Variants in RGS6 observed in about 807,000 individuals in gnomAD.
The protein encoded by RGS6 is regulator of G protein signaling 6.
In RGS6, 30 loss-of-function variants were observed where a neutral mutation model predicts 78.5. The observed-to-expected ratio is 0.38, with a 90% CI of 0.29 to 0.52. The LOEUF (loss-of-function observed/expected upper bound fraction) is 0.52, where lower values mean the gene tolerates loss of function less well. RGS6 is among the 20% of genes least tolerant of loss of function. The pLI is 0.85. For synonymous variants in RGS6, 206 were observed against 206.0 expected (o/e 1.00, Z 0.00); for missense variants, 495 against 609.7 (o/e 0.81, Z 1.98).
At chr14:72,306,234 T>G (rs59335636) in intron 2 of RGS6, among the ~76,000 whole-genome samples, 2,073 of 152,276 alleles carry the variant, frequency 0.014, 35 homozygotes, top group African/African-American at 0.047. Context: ...GACCTACTGC[T>G]CAAAAACAAA....
rs959580060 is a variant in RGS6 at position 72,477,034 on chromosome 14, C to G, written c.792+194C>G. ...AAGCTTGAGAGAAAGAATTCTCTAC[C>G]CAGTTCCTCCAGCAGTTACTAGAAA... is the stretch of plus-strand genomic sequence containing the variant. On this transcript the variant is annotated intron_variant, in intron 11 of 17. Transcript: ENST00000553525. The G allele has an allele frequency of 8.8e-6, 5 of 566,152 alleles. No homozygotes were observed. The Admixed American group carries it at 1.3e-4, about 14-fold the overall frequency. The allele number at this position is 566,152 out of a possible 1,614,324, so 35.1% of individuals were successfully genotyped here.
At chr14:72,115,623 G>A (rs1390645920) in intron 2 of RGS6, among the ~76,000 whole-genome samples, 1 of 152,160 alleles carries the variant, frequency 6.6e-6, no homozygotes, top group African/African-American at 2.4e-5. Context: ...TGAGCCAGCA[G>A]ATAACCCACA....
intron 2 of RGS6, among the ~76,000 whole-genome samples, chr14:71,978,875 T>C (rs1260131717): frequency 1.4e-5 from 2 of 147,112 alleles, no homozygotes; most frequent in South Asian, 4.6e-4. Flanking sequence ...AGAATTCCGC[T>C]GTGAATCCAT....
intron 2 of RGS6, among the ~76,000 whole-genome samples, chr14:72,185,795 G>A (rs957402145): frequency 3.3e-5 from 5 of 152,154 alleles, no homozygotes; most frequent in Non-Finnish European, 7.3e-5. Flanking sequence ...AATGTAAAAA[G>A]CCAGGTGTGG....
chr14:72,251,031 G>T (rs1298366333), intron 2 of RGS6, among the ~76,000 whole-genome samples: 1 of 152,210 alleles, frequency 6.6e-6, no homozygotes, highest in Non-Finnish European at 1.5e-5. Context: ...CACTCTCTTT[G>T]TAGAGGAGCC....
At chr14:72,352,056 T>C (rs1448274953) in intron 2 of RGS6, 39 bp from the exon 3 acceptor site, 1 of 1,457,972 alleles carries the variant, frequency 6.9e-7, no homozygotes. Flanking sequence ...AATTACATTA[T>C]GGGAGAAAAT....
intron 2 of RGS6, among the ~76,000 whole-genome samples, chr14:72,329,616 A>C (rs879136085): frequency 5.3e-5 from 8 of 152,272 alleles, no homozygotes; most frequent in African/African-American, 1.9e-4. Context: ...CATTTTAGGA[A>C]AAGAGAAGAA....
intron 6 of RGS6, chr14:72,464,670 T>G (rs985417615): frequency 6.6e-6 from 1 of 152,210 alleles, no homozygotes; most frequent in Non-Finnish European, 1.5e-5. Flanking sequence ...TTTCCCTGGA[T>G]TGTTCCACTT....
intron 2 of RGS6, among the ~76,000 whole-genome samples, chr14:72,040,027 T>C (rs910728970): frequency 2.6e-5 from 4 of 152,126 alleles, no homozygotes; most frequent in African/African-American, 9.7e-5. Flanking sequence ...TTTCAAATTA[T>C]ACCTTTTTAT....
rs748964422 is a variant in RGS6, at chr14:72,540,060, G to A, written c.1388G>A (p.Arg463His). 1.2e-5 allele frequency: 19 copies of A among 1,583,952 alleles called. No individual in the cohort carries two copies. The highest frequency in any genetic ancestry group is 1.7e-4 in the Middle Eastern group (1 of 6,028). Reference protein sequence around the residue: ...AKKKPESEQGRRTSLEKFTRS... With the variant: ...AKKKPESEQGHRTSLEKFTRS... ...CTAAAGCCAGAAAGTGAGCAAGGTC[G>A]TAGAACTTCCCTAGAAAAGTTCACT... The change falls in exon 17 of 18, where the codon CGT (arginine) becomes CAT (histidine). Residue 463 changes from arginine to histidine, a missense_variant. Physicochemically the swap from Arg to His is conservative, Grantham distance 29. Coordinates refer to ENST00000553525, the MANE Select transcript of RGS6 (RefSeq NM_001204424.2).
At chr14:72,389,467 T>C (rs1205125712) in intron 3 of RGS6, among the ~76,000 whole-genome samples, 1 of 152,158 alleles carries the variant, frequency 6.6e-6, no homozygotes, top group Non-Finnish European at 1.5e-5. Flanking sequence ...AGAAGCGTGG[T>C]GGAGGAAAAT....
chr14:72,603,558 T>C, the RGS6 span, among the ~76,000 whole-genome samples: 1 of 152,266 alleles, frequency 6.6e-6, no homozygotes, highest in Non-Finnish European at 1.5e-5. Context: ...ACCCATTCTG[T>C]TGTTGAATAT....
In RGS6 at chr14:72,493,768, G is replaced by GAA. The variant is rs59035423; in HGVS notation, c.855-1374_855-1373dup. ...TTCTCAATAGTAACACTGCATACCA[G>GAA]AAAAAAAAAAACATGGAGTGATGCC... is the stretch of plus-strand genomic sequence containing the variant. On this transcript the variant is annotated intron_variant, in intron 12 of 17. Transcript: ENST00000553525. 4.9e-4 allele frequency among the ~76,000 whole-genome samples: 71 copies of GAA among 144,906 alleles called. No individual in the cohort carries two copies. The East Asian group carries it at 6.6e-3, about 14-fold the overall frequency.
chr14:72,500,733 G>A (rs2096713012), intron 13 of RGS6, among the ~76,000 whole-genome samples: 1 of 152,200 alleles, frequency 6.6e-6, no homozygotes, highest in Non-Finnish European at 1.5e-5. Flanking sequence ...CTGTCCTGCT[G>A]AGAAAACGAG....
In RGS6 at chr14:72,036,921, A is replaced by G. The variant is rs140784470; in HGVS notation, c.84+72046A>G. On this transcript the variant is annotated intron_variant, in intron 2 of 17. Coordinates refer to ENST00000553525, the MANE Select transcript of RGS6 (RefSeq NM_001204424.2). ...TATTTTACATTTAAATGTGTAACTTAGTTTGAGTTAATTTTGGTATAAGGT... is the reference window on the plus strand; with the variant it reads ...TATTTTACATTTAAATGTGTAACTTGGTTTGAGTTAATTTTGGTATAAGGT... Among the ~76,000 whole-genome samples the G allele has an allele frequency of 4.1e-3, 626 of 152,256 alleles. 9 individuals carry two copies. Among genetic ancestry groups the G allele is most frequent in the African/African-American group, 0.013 (551 of 41,532 alleles).
At chr14:71,917,112 A>G in the RGS6 span, among the ~76,000 whole-genome samples, 1 of 152,232 alleles carries the variant, frequency 6.6e-6, no homozygotes, top group Middle Eastern at 3.2e-3. Context: ...ATCCTGGGTC[A>G]TGGATTTTAA....
intron 2 of RGS6, among the ~76,000 whole-genome samples, chr14:71,992,964 T>C (rs2095031273): frequency 6.6e-6 from 1 of 152,226 alleles, no homozygotes; most frequent in Admixed American, 6.5e-5. Flanking sequence ...GTCTTCTCTA[T>C]TAATTTGTTG....
At chr14:71,968,010 C>T (rs889950093) in intron 2 of RGS6, among the ~76,000 whole-genome samples, 1 of 152,120 alleles carries the variant, frequency 6.6e-6, no homozygotes, top group Non-Finnish European at 1.5e-5. Context: ...TTTAGTTTTT[C>T]ATCCCTCATA....
the RGS6 span, among the ~76,000 whole-genome samples, chr14:71,913,548 C>A: frequency 2.0e-5 from 3 of 152,234 alleles, no homozygotes; most frequent in Non-Finnish European, 4.4e-5. Flanking sequence ...TCCTGCCTGG[C>A]AGAGCCAGCT....
Sources: allele counts gnomAD v4.1 joint callset (sites outside exome capture counted in the v4.1 genomes callset), GRCh38; gene constraint gnomAD v4.1.1; transcripts MANE v1.5; gene names NCBI Gene and HGNC (gene_info 2026-07-23, HGNC 2026-07-21).